Variants in PLEKHA5 observed in about 807,000 individuals in gnomAD.
The protein encoded by PLEKHA5 is pleckstrin homology domain-containing family A member 5.
In PLEKHA5, 55 loss-of-function variants were observed where a neutral mutation model predicts 181.9. The ratio of observed to expected loss-of-function variants is 0.30; its 90% confidence interval spans 0.24 to 0.38. The LOEUF is 0.38. PLEKHA5 is among the 10% of genes least tolerant of loss of function. The pLI, the probability that PLEKHA5 is intolerant of heterozygous loss-of-function variation, is 1.00. For missense variants in PLEKHA5, 1,432 were observed against 1,549.5 expected (o/e 0.92, Z 1.27); for synonymous variants, 535 against 529.4 (o/e 1.01, Z -0.15).
In PLEKHA5 at chr12:19,295,566, T is replaced by A. The variant is rs1202269556; in HGVS notation, c.2037+3869T>A. On this transcript the variant is annotated intron_variant, in intron 15 of 31. Transcript: ENST00000429027. The stretch of plus-strand genomic sequence containing the variant: ...GGGAAAAAGAAAATTTTGAAAAAAA[T>A]TTTTTTTCTTAACAGGGCAGATCAA... Among the ~76,000 whole-genome samples the A allele has an allele frequency of 2.6e-5, 4 of 151,976 alleles. No individual in the cohort carries two copies. The South Asian group carries it at 6.2e-4, about 24-fold the overall frequency.
chr12:19,155,838 G>A (rs1214949573), intron 3 of PLEKHA5, among the ~76,000 whole-genome samples: 4 of 152,112 alleles, frequency 2.6e-5, no homozygotes, highest in South Asian at 4.1e-4. Flanking sequence ...CTGAATGTAC[G>A]CATACCCCTA....
intron 26 of PLEKHA5, among the ~76,000 whole-genome samples, chr12:19,355,927 A>G (rs114608445): frequency 0.013 from 1,955 of 152,116 alleles, 33 homozygotes; most frequent in African/African-American, 0.045. Context: ...TTGAGAGGCC[A>G]AGGCTGGCAG....
chr12:19,270,532 C>G (rs2072329600), intron 10 of PLEKHA5, among the ~76,000 whole-genome samples: 1 of 152,026 alleles, frequency 6.6e-6, no homozygotes. Flanking sequence ...ACTCAGATTC[C>G]TTGATAATAT....
chr12:19,242,150 G>A (rs891566070), intron 3 of PLEKHA5, among the ~76,000 whole-genome samples: 4 of 152,126 alleles, frequency 2.6e-5, no homozygotes, highest in South Asian at 4.1e-4. Context: ...AACTAGCATG[G>A]TGTTAATTGA....
chr12:19,183,030 A>G (rs1447971375), intron 3 of PLEKHA5, among the ~76,000 whole-genome samples: 3 of 152,214 alleles, frequency 2.0e-5, no homozygotes, highest in Admixed American at 2.0e-4. Context: ...AATGAAACAG[A>G]GCTGTTGCTA....
At chr12:19,310,403 A>G (rs2086026075) in intron 15 of PLEKHA5, among the ~76,000 whole-genome samples, 1 of 152,022 alleles carries the variant, frequency 6.6e-6, no homozygotes, top group Non-Finnish European at 1.5e-5. Flanking sequence ...TTAGGTCAGG[A>G]GTTAGAGACC....
intron 11 of PLEKHA5, among the ~76,000 whole-genome samples, chr12:19,279,300 G>A (rs1454552687): frequency 6.6e-6 from 1 of 152,124 alleles, no homozygotes; most frequent in African/African-American, 2.4e-5. Context: ...AGTTAAAAGA[G>A]TGCTGCTTTA....
chr12:19,142,073 G>C (rs2037515182), intron 3 of PLEKHA5, among the ~76,000 whole-genome samples: 1 of 152,140 alleles, frequency 6.6e-6, no homozygotes, highest in Non-Finnish European at 1.5e-5. Flanking sequence ...ATTATTAAAT[G>C]TTAAGGCCAG....
intron 3 of PLEKHA5, chr12:19,153,626 G>C (rs2040987997): frequency 6.6e-6 from 1 of 151,980 alleles, no homozygotes. Flanking sequence ...AAAGTTCATA[G>C]TTTACCTTAG....
chr12:19,327,566 C>G (rs921362913), intron 20 of PLEKHA5, among the ~76,000 whole-genome samples: 7 of 150,632 alleles, frequency 4.6e-5, no homozygotes, highest in Middle Eastern at 3.5e-3. Context: ...TTGATAGTTT[C>G]TTTTGCTTTA....
rs755130326 is a variant in PLEKHA5, at chr12:19,336,499, C to T, written c.2449-16C>T. ...ACATTTTCCCCATTAAAGTAATTAA[C>T]ACTTTTTGGTTTTAGGAATTGGAAC... is the stretch of plus-strand genomic sequence containing the variant. On this transcript the variant is annotated splice_polypyrimidine_tract_variant and intron_variant, in intron 20 of 31. Transcript: ENST00000429027. The T allele has an allele frequency of 2.2e-6, 3 of 1,338,354 alleles. No homozygotes were observed. The highest frequency in any genetic ancestry group is 4.6e-5 in the East Asian group (2 of 43,462). The allele number at this position is 1,338,354 out of a possible 1,614,324, so 82.9% of individuals were successfully genotyped here. A position where few individuals can be genotyped will look rare whatever the true frequency, so the allele number is the denominator to read the frequency against.
At chr12:19,257,952 T>C (rs960196877) in intron 6 of PLEKHA5, among the ~76,000 whole-genome samples, 4 of 151,804 alleles carry the variant, frequency 2.6e-5, no homozygotes, top group African/African-American at 4.8e-5. Flanking sequence ...TTTCCCCCCT[T>C]TATACAGAAA....
Position 19,136,369 on chromosome 12 carries a change from T to G in PLEKHA5, c.227+3919T>G, listed in dbSNP as rs78505280. ...ATAACTTAATTTATGCTGTTATCTT[T>G]ATGAAGAATGCTGAAAATAAGTGAA... On this transcript the variant is annotated intron_variant, in intron 3 of 31. Coordinates refer to ENST00000429027, the MANE Select transcript of PLEKHA5 (RefSeq NM_001256470.2). Among the ~76,000 whole-genome samples, 862 of 152,350 alleles carry G rather than the reference T, an allele frequency of 5.7e-3. 6 individuals are homozygous for G. The highest frequency in any genetic ancestry group is 0.02 in the African/African-American group (832 of 41,590).
At chr12:19,137,866 C>A (rs1002861278) in intron 3 of PLEKHA5, among the ~76,000 whole-genome samples, 5 of 152,156 alleles carry the variant, frequency 3.3e-5, no homozygotes, top group African/African-American at 9.7e-5. Context: ...GATGATGATG[C>A]TGGCTCCTAG....
chr12:19,205,411 A>G (rs1490086967), intron 3 of PLEKHA5: 4 of 982,458 alleles, frequency 4.1e-6, no homozygotes, highest in East Asian at 1.1e-4. Context: ...GAGACAAAGA[A>G]AAGAACACAG....
chr12:19,346,447 C>G (rs2094337465), intron 23 of PLEKHA5, among the ~76,000 whole-genome samples: 2 of 151,850 alleles, frequency 1.3e-5, no homozygotes, highest in Admixed American at 1.3e-4. Context: ...TGAGACCAGC[C>G]TGGTAAACAT....
chr12:19,276,280 A>G (rs1205964578), intron 11 of PLEKHA5, among the ~76,000 whole-genome samples: 1 of 152,204 alleles, frequency 6.6e-6, no homozygotes, highest in Non-Finnish European at 1.5e-5. Context: ...AATTGGAGAA[A>G]GTTCAAAAGT....
intron 3 of PLEKHA5, among the ~76,000 whole-genome samples, chr12:19,246,554 G>A (rs1592190479): frequency 2.0e-5 from 3 of 150,750 alleles, no homozygotes; most frequent in African/African-American, 4.9e-5. Flanking sequence ...CCCAGGAGGC[G>A]GATGTTGCAT....
intron 3 of PLEKHA5, among the ~76,000 whole-genome samples, chr12:19,206,848 C>T (rs530641294): frequency 4.6e-5 from 7 of 152,116 alleles, no homozygotes; most frequent in Non-Finnish European, 1.0e-4. Flanking sequence ...TGACCTTGCA[C>T]ATGATGCATA....
Sources: allele counts gnomAD v4.1 joint callset (sites outside exome capture counted in the v4.1 genomes callset), GRCh38; gene constraint gnomAD v4.1.1; transcripts MANE v1.5; gene names NCBI Gene and HGNC (gene_info 2026-07-23, HGNC 2026-07-21).